ADGRD1: variants seen among roughly 807,000 people sequenced by gnomAD.
ADGRD1 encodes adhesion G protein-coupled receptor D1.
Under a neutral mutation model 113.4 loss-of-function variants are expected in ADGRD1, and 77 were observed. The observed-to-expected ratio is 0.68, with a 90% CI of 0.57 to 0.82. ADGRD1 has a LOEUF of 0.82. Among genes scored for constraint, ADGRD1 ranks in the 40% least tolerant of loss-of-function variants. The pLI is 0.00. For synonymous variants in ADGRD1, 474 were observed against 475.0 expected, an observed-to-expected ratio of 1.00 and a Z score of 0.03; for missense variants, 1,036 against 1,139.1, an observed-to-expected ratio of 0.91 and a Z score of 1.30.
chr12:131,062,688 A>T (rs1593144878), intron 13 of ADGRD1, among the ~76,000 whole-genome samples: 1 of 152,204 alleles, frequency 6.6e-6, no homozygotes, highest in South Asian at 2.1e-4. Context: ...TCATTAGGTC[A>T]CCCTAGCCAT....
At position 130,965,446 on chromosome 12, in the gene ADGRD1, A is replaced by C. The variant is rs1310472740; in HGVS notation, c.104-1017A>C. Among the ~76,000 whole-genome samples the C allele has an allele frequency of 1.3e-5, 2 of 152,238 alleles. No individual in the cohort carries two copies. ...AGTCTGTCCTTTTCTATGATCTAGCAGTCGCTTGGGGCAGTTGATTATTGT... is the reference window on the plus strand; with the variant it reads ...AGTCTGTCCTTTTCTATGATCTAGCCGTCGCTTGGGGCAGTTGATTATTGT... On this transcript the variant is annotated intron_variant, in intron 2 of 24. Coordinates refer to ENST00000261654, the MANE Select transcript of ADGRD1 (RefSeq NM_198827.5). This position sits in a 1 kb window ranked among gnomAD's most constrained non-coding sequence, Gnocchi z 4.8.
chr12:131,046,194 G>T (rs180844697), intron 13 of ADGRD1, among the ~76,000 whole-genome samples: 30 of 42,486 alleles, frequency 7.1e-4, no homozygotes, highest in Non-Finnish European at 9.7e-4. Flanking sequence ...TCCCTCCCTG[G>T]TCAGTGCTCC....
chr12:130,968,694 T>C lies in ADGRD1; in HGVS notation c.187+2148T>C, dbSNP rs186598568. Reference sequence around the variant, plus strand: ...TATCTCTCAACTAAGTATCTGCCTATGTGTTGGAGCCAGAAAATTAGAACT... The same window carrying C: ...TATCTCTCAACTAAGTATCTGCCTACGTGTTGGAGCCAGAAAATTAGAACT... On this transcript the variant is annotated intron_variant, in intron 3 of 24. Coordinates refer to ENST00000261654, the MANE Select transcript of ADGRD1 (RefSeq NM_198827.5). 1,536 of 443,812 alleles carry C rather than the reference T, an allele frequency of 3.5e-3. 28 individuals are homozygous for C. Among genetic ancestry groups the C allele is most frequent in the African/African-American group, 0.028 (1,419 of 49,894 alleles). 27.5% of individuals were successfully genotyped at this position (443,812 alleles called of 1,614,324 possible).
chr12:131,118,703 C>G (rs1950522248), intron 19 of ADGRD1, among the ~76,000 whole-genome samples: 1 of 152,190 alleles, frequency 6.6e-6, no homozygotes, highest in South Asian at 2.1e-4. Flanking sequence ...TAGCAGGGGG[C>G]CTGCTAGGAG....
At chr12:130,963,991 T>C (rs1870719135) in intron 2 of ADGRD1, among the ~76,000 whole-genome samples, 1 of 152,224 alleles carries the variant, frequency 6.6e-6, no homozygotes, top group Non-Finnish European at 1.5e-5. Context: ...AGGCTCATTG[T>C]TGTTTAATAT....
intron 18 of ADGRD1, among the ~76,000 whole-genome samples, chr12:131,114,024 A>G (rs776457839): frequency 9.9e-5 from 15 of 152,196 alleles, no homozygotes; most frequent in Non-Finnish European, 1.5e-4. Flanking sequence ...CACACTCTCC[A>G]TAAGCCACAG....
rs140181719 is a variant in ADGRD1 at position 131,080,478 on chromosome 12, C to G, written c.1547+3604C>G. On this transcript the variant is annotated intron_variant, in intron 14 of 24. Coordinates refer to ENST00000261654, the MANE Select transcript of ADGRD1 (RefSeq NM_198827.5). ...GAGTGTTCTATAAATGTCAATTACA[C>G]CAAGTCGATTGATAGTTAAGATTAT... 7.2e-4 allele frequency among the ~76,000 whole-genome samples: 110 copies of G among 152,122 alleles called. No homozygotes were observed. The South Asian group carries it at 0.014, about 19-fold the overall frequency.
chr12:130,997,195 C>A (rs1404984671), intron 8 of ADGRD1, among the ~76,000 whole-genome samples: 3 of 142,652 alleles, frequency 2.1e-5, no homozygotes, highest in Non-Finnish European at 3.1e-5. Context: ...CTGACCCCCC[C>A]CCCCGGACGG....
intron 13 of ADGRD1, among the ~76,000 whole-genome samples, chr12:131,032,364 G>T (rs1285404330): frequency 6.6e-6 from 1 of 152,238 alleles, no homozygotes; most frequent in African/African-American, 2.4e-5. Flanking sequence ...CACGGGTTCT[G>T]ACGCCTGCTT....
rs80336492 is a variant in ADGRD1, at chr12:130,964,191, T to C, written c.104-2272T>C. On this transcript the variant is annotated intron_variant, in intron 2 of 24. Transcript: ENST00000261654. ...AAGAAATCAGTACCCTTCTGTAATATGTATTATATAATACATATTATATAA... is the reference window on the plus strand; with the variant it reads ...AAGAAATCAGTACCCTTCTGTAATACGTATTATATAATACATATTATATAA... 5.3e-5 allele frequency among the ~76,000 whole-genome samples: 8 copies of C among 151,538 alleles called. No homozygotes were observed. In the East Asian group the frequency reaches 1.5e-3, roughly 29 times the overall value.
At chr12:131,134,957 T>G (rs1240366609) in intron 21 of ADGRD1, among the ~76,000 whole-genome samples, 2 of 152,222 alleles carry the variant, frequency 1.3e-5, no homozygotes, top group African/African-American at 4.8e-5. Context: ...GCCTGAGTGA[T>G]GAGGGGTAAA....
At chr12:131,089,365 T>C (rs1342149728) in intron 15 of ADGRD1, among the ~76,000 whole-genome samples, 2 of 152,240 alleles carry the variant, frequency 1.3e-5, no homozygotes, top group Admixed American at 6.5e-5. Flanking sequence ...TCTTCCTTCA[T>C]GCACAGCTCT....
intron 18 of ADGRD1, 122 bp from the exon 19 acceptor site, chr12:131,118,263 C>A: frequency 2.9e-6 from 2 of 688,752 alleles, no homozygotes; most frequent in African/African-American, 1.8e-5. Flanking sequence ...GCACATAGTT[C>A]CCCCTCTGTA....
At chr12:131,080,882 A>G (rs1421685033) in intron 14 of ADGRD1, among the ~76,000 whole-genome samples, 1 of 152,144 alleles carries the variant, frequency 6.6e-6, no homozygotes, top group East Asian at 1.9e-4. Context: ...GGCCTCCCAA[A>G]GTGCTGGGAT....
intron 13 of ADGRD1, among the ~76,000 whole-genome samples, chr12:131,045,944 T>G (rs955746418): frequency 6.6e-5 from 10 of 151,724 alleles, no homozygotes; most frequent in East Asian, 1.9e-4. Flanking sequence ...CCCGCCCTGG[T>G]TGGTGCTCCC....
In ADGRD1 at chr12:131,057,270, G is replaced by C. The variant is rs976968019; in HGVS notation, c.1474-19531G>C. ...GCTCTGTGCTTCACCCCTGAAGCTG[G>C]GTTGGATGGCATCAGTGGTTCCTAA... On this transcript the variant is annotated intron_variant, in intron 13 of 24. Coordinates refer to ENST00000261654, the MANE Select transcript of ADGRD1 (RefSeq NM_198827.5). The surrounding 1 kb of genome is among the most constrained non-coding windows in gnomAD (Gnocchi z 4.2). 6.6e-6 allele frequency among the ~76,000 whole-genome samples: 1 copy of C among 152,170 alleles called. No individual in the cohort carries two copies. The highest frequency in any genetic ancestry group is 1.5e-5 in the Non-Finnish European group (1 of 68,036).
At position 130,997,031 on chromosome 12, in the gene ADGRD1, C is replaced by T. The variant is rs1470468425; in HGVS notation, c.967-3352C>T. 9.8e-5 allele frequency among the ~76,000 whole-genome samples: 13 copies of T among 132,740 alleles called. No homozygotes were observed. In the South Asian group the frequency reaches 1.5e-3, roughly 15 times the overall value. The allele number at this position is 132,740 out of a possible 152,430, so 87.1% of individuals were successfully genotyped here. A position where few individuals can be genotyped will look rare whatever the true frequency, so the allele number is the denominator to read the frequency against. ...GGGGCTGACCCCCCCACCTCCCTCC[C>T]GGACGGGGCGGCTGGCCAGGCAGAG... On this transcript the variant is annotated intron_variant, in intron 8 of 24. Coordinates refer to ENST00000261654, the MANE Select transcript of ADGRD1 (RefSeq NM_198827.5).
chr12:131,129,528 T>G (rs1489237076), intron 20 of ADGRD1, among the ~76,000 whole-genome samples: 1 of 151,772 alleles, frequency 6.6e-6, no homozygotes, highest in East Asian at 1.9e-4. Flanking sequence ...CCCTGCTGTC[T>G]CGGTGTGGAC....
At chr12:131,102,062 T>G (rs1307909547) in intron 15 of ADGRD1, among the ~76,000 whole-genome samples, 1 of 152,228 alleles carries the variant, frequency 6.6e-6, no homozygotes, top group African/African-American at 2.4e-5. Flanking sequence ...TCCTCAGAAC[T>G]CTTAAGTGGC....
Sources: allele counts gnomAD v4.1 joint callset (sites outside exome capture counted in the v4.1 genomes callset), GRCh38; gene constraint gnomAD v4.1.1; non-coding constraint Gnocchi (gnomAD v3.1); transcripts MANE v1.5; gene names NCBI Gene and HGNC (gene_info 2026-07-23, HGNC 2026-07-21).